SMPD4: variants seen among roughly 807,000 people sequenced by gnomAD.
The protein encoded by SMPD4 is sphingomyelin phosphodiesterase 4.
Under a neutral mutation model 97.8 loss-of-function variants are expected in SMPD4, and 58 were observed. The ratio of observed to expected loss-of-function variants is 0.59; its 90% CI spans 0.48 to 0.74. The LOEUF is 0.74. Among genes scored for constraint, SMPD4 ranks in the 30% least tolerant of loss-of-function variants. The pLI is 0.00. For missense variants in SMPD4, 853 were observed against 1,080.5 expected (o/e 0.79, Z 2.95); for synonymous variants, 388 against 450.0 (o/e 0.86, Z 1.74).
intron 5 of SMPD4, 78 bp from the exon 6 acceptor site, chr2:130,172,973 A>T (rs1177824647): frequency 1.2e-5 from 19 of 1,529,838 alleles, no homozygotes; most frequent in Non-Finnish European, 1.6e-5. Flanking sequence ...CATGCACAGC[A>T]GCACTTTGGG....
At chr2:130,177,916 A>C in intron 1 of SMPD4, among the ~76,000 whole-genome samples, 1 of 151,832 alleles carries the variant, frequency 6.6e-6, no homozygotes, top group South Asian at 2.1e-4. Flanking sequence ...CTGTTTGTTC[A>C]ATCAAATACT....
intron 7 of SMPD4, 37 bp from the exon 8 acceptor site, chr2:130,172,537 A>G: frequency 6.2e-7 from 1 of 1,613,154 alleles, no homozygotes; most frequent in South Asian, 1.1e-5. Flanking sequence ...TGGGCTCTGG[A>G]CACTGCCAGG....
chr2:130,181,609 C>A (rs1689652880), upstream of SMPD4: 1 of 1,595,686 alleles, frequency 6.3e-7, no homozygotes, highest in Non-Finnish European at 8.5e-7. Flanking sequence ...CATCAAGCTG[C>A]GCGCAGAGCC....
At chr2:130,160,401 C>CTG (rs1299890732) in intron 11 of SMPD4, among the ~76,000 whole-genome samples, 1 of 152,262 alleles carries the variant, frequency 6.6e-6, no homozygotes, top group Non-Finnish European at 1.5e-5. Context: ...AGATCACTGG[C>CTG]TGTGAGCACA....
intron 3 of SMPD4, among the ~76,000 whole-genome samples, 178 bp downstream of exon 3, chr2:130,174,736 T>C (rs1688805454): frequency 2.0e-5 from 3 of 152,212 alleles, no homozygotes; most frequent in Non-Finnish European, 4.4e-5. Flanking sequence ...TGAGAACCCC[T>C]GATCTACAAG....
chr2:130,180,590 T>A (rs1428378865), intron 1 of SMPD4, among the ~76,000 whole-genome samples: 1 of 152,100 alleles, frequency 6.6e-6, no homozygotes, highest in African/African-American at 2.4e-5. Context: ...AACCTAGCTA[T>A]CAACTGCAGT....
rs190878299 is a variant in SMPD4, at chr2:130,166,268, C to G, written c.792+1190G>C. ...AGGTTGCACAGAGCCAAGATTGAGC[C>G]ACTGCACTCCAGCCTGGACAACAGA... On this transcript the variant is annotated intron_variant, in intron 9 of 19. Transcript: ENST00000680298. Among the ~76,000 whole-genome samples the G allele has an allele frequency of 6.3e-3, 896 of 141,670 alleles. 6 individuals carry two copies. The highest frequency in any genetic ancestry group is 0.021 in the African/African-American group (797 of 37,588). 92.9% of individuals were successfully genotyped at this position (141,670 alleles called of 152,430 possible).
In SMPD4 at chr2:130,172,860, G is replaced by A. The variant is rs1688607950; in HGVS notation, c.381C>T (p.Leu127=). The stretch of plus-strand genomic sequence containing the variant: ...TGTTGTGGTACAGAGGACTGTCAGG[G>A]AGGATGCACTCCTGGATGGACGCCT... The part of the protein sequence containing the change: ...PVKASIQECI[L]PDSPLYHNKV... Residue 127 remains leucine (L), a synonymous_variant, in exon 6 of 20, where the codon CTC becomes CTT. Transcript: ENST00000680298. The A allele has an allele frequency of 6.2e-7, 1 of 1,613,802 alleles. No homozygotes were observed. The highest frequency in any genetic ancestry group is 1.3e-5 in the African/African-American group (1 of 74,906).
Position 130,173,359 on chromosome 2 carries a change from A to G in SMPD4, c.270-5T>C. ...ACCAACTTCATCATTGGGCCACTGA[A>G]CACGAAATTGAACAAACAAACAAAA... is the stretch of plus-strand genomic sequence containing the variant. On this transcript the variant is annotated splice_region_variant and splice_polypyrimidine_tract_variant and intron_variant, in intron 4 of 19. Transcript: ENST00000680298. The G allele has an allele frequency of 6.2e-7, 1 of 1,611,896 alleles. No individual in the cohort carries two copies. Among genetic ancestry groups the G allele is most frequent in the South Asian group, 1.1e-5 (1 of 90,458 alleles).
At chr2:130,171,304 T>TGTTGG (rs1033401668) in intron 8 of SMPD4, among the ~76,000 whole-genome samples, 9 of 152,072 alleles carry the variant, frequency 5.9e-5, no homozygotes, top group African/African-American at 2.2e-4. Context: ...GGTTTCACCA[T>TGTTGG]GTTGGCTAGG....
chr2:130,181,434 C>T, intron 1 of SMPD4, 96 bp downstream of exon 1: 2 of 1,518,850 alleles, frequency 1.3e-6, no homozygotes, highest in South Asian at 1.2e-5. Flanking sequence ...GGCCCGAGTC[C>T]TGGGGCTCGC....
Position 130,178,802 on chromosome 2 carries a change from AAAAAAAAAG to A in SMPD4, c.-45-2174_-45-2166del, listed in dbSNP as rs1328805163. Among the ~76,000 whole-genome samples, 7 of 151,694 alleles carry A rather than the reference AAAAAAAAAG, an allele frequency of 4.6e-5. No homozygotes were observed. In the South Asian group the frequency reaches 8.3e-4, roughly 18 times the overall value. On this transcript the variant is annotated intron_variant, in intron 1 of 19. Transcript: ENST00000680298. ...AGAGGGAAACTCTCAAAAAATGGAA[AAAAAAAAAG>A]AAAAAAAAAGAAAGAAAACTAAGAT...
At chr2:130,180,657 A>G (rs1573746567) in intron 1 of SMPD4, among the ~76,000 whole-genome samples, 1 of 152,244 alleles carries the variant, frequency 6.6e-6, no homozygotes, top group Admixed American at 6.5e-5. Context: ...CTGCACTACT[A>G]CAAAATGATC....
Position 130,152,302 on chromosome 2 carries a change from A to C in SMPD4, c.*253T>G. 3 of 431,634 alleles carry C rather than the reference A, an allele frequency of 7.0e-6. No individual in the cohort carries two copies. Among genetic ancestry groups the C allele is most frequent in the Non-Finnish European group, 8.2e-6 (2 of 243,376 alleles). The allele number at this position is 431,634 out of a possible 1,614,324, so 26.7% of individuals were successfully genotyped here. On this transcript the variant is annotated 3_prime_UTR_variant, in exon 20 of 20. Coordinates refer to ENST00000680298, the MANE Select transcript of SMPD4 (RefSeq NM_017951.5). ...CGTGAGTCCTTGGCGGAGGGAGGGA[A>C]AGGCCGCCGCTGAGCTCTGCGCTGT...
chr2:130,179,680 G>T (rs1386972259), intron 1 of SMPD4, among the ~76,000 whole-genome samples: 3 of 151,334 alleles, frequency 2.0e-5, no homozygotes, highest in Non-Finnish European at 4.4e-5. Context: ...TTTTGAGATG[G>T]AGTCTCGCTC....
In SMPD4 at chr2:130,153,094, G is replaced by A. The variant is rs146485657; in HGVS notation, c.2103C>T (p.Ile701=). The A allele has an allele frequency of 1.2e-4, 187 of 1,613,422 alleles. No individual in the cohort carries two copies. The highest frequency in any genetic ancestry group is 1.5e-4 in the Non-Finnish European group (176 of 1,180,020). ...TAAAGAGTGTGCGGACCAAGCTGGC[G>A]ATCTCATAGCTCCGGATGGGCTGCA... ...PELQPIRSYE[I]ASLVRTLFRL... The change falls in exon 19 of 20, where the codon ATC becomes ATT. Residue 701 remains isoleucine, a synonymous_variant. Transcript: ENST00000680298.
intron 10 of SMPD4, among the ~76,000 whole-genome samples, chr2:130,161,885 T>C (rs533736885): frequency 1.3e-5 from 2 of 152,310 alleles, no homozygotes; most frequent in East Asian, 3.9e-4. Context: ...TTTACCAAAT[T>C]GGTATAAGAC....
chr2:130,181,024 G>A (rs1051430511), intron 1 of SMPD4, among the ~76,000 whole-genome samples: 4 of 152,108 alleles, frequency 2.6e-5, no homozygotes, highest in Non-Finnish European at 5.9e-5. Flanking sequence ...GACAGCCCTT[G>A]GGCAACGCTA....
In SMPD4 at chr2:130,173,013, G is replaced by A; in HGVS notation, c.346-118C>T. ...CTGCTGGGGAAGAGACCCACACACA[G>A]AACCCACCTGTGGGGACAGTGCCCT... On this transcript the variant is annotated intron_variant, in intron 5 of 19. Transcript: ENST00000680298. 2.9e-6 allele frequency: 4 copies of A among 1,396,324 alleles called. No homozygotes were observed. The South Asian group carries it at 5.6e-5, about 20-fold the overall frequency. 86.5% of individuals were successfully genotyped at this position (1,396,324 alleles called of 1,614,324 possible). A position where few individuals can be genotyped will look rare whatever the true frequency, so the allele number is the denominator to read the frequency against.
Sources: allele counts gnomAD v4.1 joint callset (sites outside exome capture counted in the v4.1 genomes callset), GRCh38; gene constraint gnomAD v4.1.1; transcripts MANE v1.5; gene names NCBI Gene and HGNC (gene_info 2026-07-23, HGNC 2026-07-21).